OPCML: variants seen among roughly 807,000 people sequenced by gnomAD.
The protein encoded by OPCML is opioid binding protein/cell adhesion molecule like.
Under a neutral mutation model 37.8 loss-of-function variants are expected in OPCML, and 13 were observed. The ratio of observed to expected loss-of-function variants is 0.34; its 90% CI spans 0.22 to 0.55. OPCML has a LOEUF of 0.55. OPCML is among the 20% of genes least tolerant of loss of function. The probability of loss-of-function intolerance (pLI) is 0.91; values close to 1 mark genes in which losing one functional copy is unlikely to be tolerated. For synonymous variants in OPCML, 176 were observed against 168.8 expected (o/e 1.04, Z -0.33); for missense variants, 341 against 435.6 (o/e 0.78, Z 1.93).
chr11:132,945,662 A>T (rs1162993784), intron 1 of OPCML, among the ~76,000 whole-genome samples: 1 of 152,210 alleles, frequency 6.6e-6, no homozygotes, highest in Non-Finnish European at 1.5e-5. Context: ...AACTTTATAC[A>T]CTTTGAATTA....
intron 1 of OPCML, among the ~76,000 whole-genome samples, chr11:133,146,625 T>C (rs572372487): frequency 3.9e-5 from 6 of 152,156 alleles, no homozygotes; most frequent in Non-Finnish European, 8.8e-5. Context: ...GCTAGGCTAA[T>C]TTTTCTCTAT....
chr11:133,122,804 G>A (rs7123002), intron 1 of OPCML, among the ~76,000 whole-genome samples: 19,395 of 152,114 alleles, frequency 0.13, 2,293 homozygotes, highest in African/African-American at 0.31. Flanking sequence ...CAGGTAAACT[G>A]GAATCTAGCA....
intron 1 of OPCML, among the ~76,000 whole-genome samples, chr11:133,291,415 G>A (rs1592172361): frequency 3.3e-5 from 5 of 151,446 alleles, no homozygotes; most frequent in African/African-American, 1.2e-4. Flanking sequence ...GGACTGCCAA[G>A]GAAATCTACA....
intron 2 of OPCML, among the ~76,000 whole-genome samples, chr11:132,825,467 C>A (rs1236812561): frequency 6.6e-6 from 1 of 152,126 alleles, no homozygotes; most frequent in Non-Finnish European, 1.5e-5. Context: ...CATTTTTGAA[C>A]CCATCTATGC....
At chr11:132,714,758 AC>A (rs1348907290) in intron 2 of OPCML, among the ~76,000 whole-genome samples, 1 of 152,196 alleles carries the variant, frequency 6.6e-6, no homozygotes, top group South Asian at 2.1e-4. Flanking sequence ...TCAAGGACAC[AC>A]CGGTTTTCCA....
chr11:132,854,459 G>C (rs1941965349), intron 2 of OPCML, among the ~76,000 whole-genome samples: 1 of 152,136 alleles, frequency 6.6e-6, no homozygotes, highest in South Asian at 2.1e-4. Flanking sequence ...TGGAGGTTGG[G>C]AGTGAAAGTT....
rs191853273 is a variant in OPCML at position 132,951,941 on chromosome 11, G to A, written c.62-8931C>T. Among the ~76,000 whole-genome samples the A allele has an allele frequency of 2.4e-3, 366 of 152,216 alleles. 1 individual carries two copies. Among genetic ancestry groups the A allele is most frequent in the Middle Eastern group, 3.4e-3 (1 of 292 alleles). On this transcript the variant is annotated intron_variant, in intron 1 of 7. Coordinates refer to ENST00000524381, the MANE Select transcript of OPCML (RefSeq NM_001012393.5). ...ATGAGGATGGCTACTGGGGAATCTG[G>A]GATCACACAGAAATATCTGCATTTA...
chr11:133,367,067 C>T (rs1944556930), intron 1 of OPCML, among the ~76,000 whole-genome samples: 2 of 152,166 alleles, frequency 1.3e-5, no homozygotes, highest in African/African-American at 2.4e-5. Context: ...CAACCTCTGA[C>T]TCCCTGGTTC....
intron 1 of OPCML, among the ~76,000 whole-genome samples, chr11:133,182,112 C>A (rs1197049454): frequency 6.6e-6 from 1 of 152,198 alleles, no homozygotes; most frequent in African/African-American, 2.4e-5. Flanking sequence ...CGTGATGCTA[C>A]CCCTAATGCT....
chr11:133,483,472 A>G (rs1947428193), intron 1 of OPCML, among the ~76,000 whole-genome samples: 1 of 152,032 alleles, frequency 6.6e-6, no homozygotes, highest in Non-Finnish European at 1.5e-5. Flanking sequence ...AAAGAGAGAC[A>G]GTCTTCTAGA....
At chr11:133,436,976 C>G (rs1379002718) in intron 1 of OPCML, among the ~76,000 whole-genome samples, 1 of 152,140 alleles carries the variant, frequency 6.6e-6, no homozygotes, top group Non-Finnish European at 1.5e-5. Context: ...AACCAGTTTC[C>G]AGGGTAGCAC....
At chr11:132,844,408 G>T (rs1204079005) in intron 2 of OPCML, among the ~76,000 whole-genome samples, 1 of 152,196 alleles carries the variant, frequency 6.6e-6, no homozygotes, top group Non-Finnish European at 1.5e-5. Context: ...AGATGAACTT[G>T]CAGAGGCCTT....
intron 1 of OPCML, among the ~76,000 whole-genome samples, chr11:133,254,736 G>A (rs572631789): frequency 1.1e-4 from 17 of 152,326 alleles, no homozygotes; most frequent in African/African-American, 3.4e-4. Context: ...GCAATTGTGT[G>A]TCTGGGAACA....
intron 2 of OPCML, among the ~76,000 whole-genome samples, chr11:132,913,154 T>C (rs1327186393): frequency 6.6e-6 from 1 of 152,198 alleles, no homozygotes; most frequent in African/African-American, 2.4e-5. Flanking sequence ...TTGTCATAAC[T>C]GCATTGATTG....
At chr11:132,930,568 A>G (rs907788187) in intron 2 of OPCML, among the ~76,000 whole-genome samples, 10 of 152,192 alleles carry the variant, frequency 6.6e-5, no homozygotes, top group African/African-American at 2.4e-4. Flanking sequence ...TCTATAAACT[A>G]ACAATAAACA....
At chr11:132,793,352 G>C (rs1290275192) in intron 2 of OPCML, among the ~76,000 whole-genome samples, 2 of 152,234 alleles carry the variant, frequency 1.3e-5, no homozygotes, top group East Asian at 3.9e-4. Flanking sequence ...CCAACTCGTA[G>C]TCTTGTTTAT....
chr11:133,077,760 C>G (rs1948646446), intron 1 of OPCML, among the ~76,000 whole-genome samples: 1 of 152,114 alleles, frequency 6.6e-6, no homozygotes, highest in African/African-American at 2.4e-5. Context: ...AAAGAAAAGA[C>G]TCCTATTGGA....
intron 1 of OPCML, among the ~76,000 whole-genome samples, chr11:133,215,984 G>A (rs1358303985): frequency 6.6e-6 from 1 of 152,108 alleles, no homozygotes; most frequent in African/African-American, 2.4e-5. Context: ...GATGAATAGA[G>A]GCCACCAGGA....
rs932365874 is a variant in OPCML at position 132,521,834 on chromosome 11, G to A, written c.505+7227C>T. Among the ~76,000 whole-genome samples the A allele has an allele frequency of 5.3e-5, 8 of 152,066 alleles. No individual in the cohort carries two copies. In the South Asian group the frequency reaches 6.2e-4, roughly 12 times the overall value. On this transcript the variant is annotated intron_variant, in intron 4 of 7. Coordinates refer to ENST00000524381, the MANE Select transcript of OPCML (RefSeq NM_001012393.5). ...AATAATTGCACTGTGGAGTTTACTTGGATTTCACTAGTTTTTGCATGTACT... is the reference window on the plus strand; with the variant it reads ...AATAATTGCACTGTGGAGTTTACTTAGATTTCACTAGTTTTTGCATGTACT...
Sources: gnomAD v4.1 joint callset for allele counts (sites outside exome capture counted in the v4.1 genomes callset) on GRCh38, gnomAD v4.1.1 for gene constraint, MANE v1.5 for transcripts, NCBI Gene and HGNC (gene_info 2026-07-23, HGNC 2026-07-21) for gene names.